LRFN2: variants seen among roughly 807,000 people sequenced by gnomAD.
The protein encoded by LRFN2 is leucine rich repeat and fibronectin type III domain containing 2.
LRFN2 carries 18 observed loss-of-function variants against 37.3 expected under a neutral mutation model. The observed-to-expected ratio is 0.48, with a 90% confidence interval of 0.33 to 0.72. The LOEUF (loss-of-function observed/expected upper bound fraction) is 0.72. LRFN2 is among the 30% of genes least tolerant of loss of function. The pLI, the probability that LRFN2 is intolerant of heterozygous loss-of-function variation, is 0.02. For missense variants in LRFN2, 1,006 were observed against 1,060.7 expected, an observed-to-expected ratio of 0.95 and a Z score of 0.72; for synonymous variants, 556 against 466.6, an observed-to-expected ratio of 1.19 and a Z score of -2.47.
intron 1 of LRFN2, among the ~76,000 whole-genome samples, chr6:40,543,535 T>C (rs1347327105): frequency 6.6e-6 from 1 of 152,208 alleles, no homozygotes; most frequent in East Asian, 1.9e-4. Flanking sequence ...CGAAACAAGC[T>C]GTGGGAAAAC....
chr6:40,461,516 G>A (rs1446216875), intron 1 of LRFN2, among the ~76,000 whole-genome samples: 1 of 151,470 alleles, frequency 6.6e-6, no homozygotes, highest in Non-Finnish European at 1.5e-5. Flanking sequence ...TTTGAGCCAG[G>A]CACAGTTGCA....
intron 1 of LRFN2, among the ~76,000 whole-genome samples, chr6:40,470,492 C>T (rs1764569566): frequency 6.6e-6 from 1 of 152,116 alleles, no homozygotes; most frequent in Admixed American, 6.5e-5. Flanking sequence ...CACCTGTAGT[C>T]CCAGCTACTT....
At position 40,392,226 on chromosome 6, in the gene LRFN2, T is replaced by C; in HGVS notation, c.2087A>G (p.Glu696Gly). 6.4e-7 allele frequency: 1 copy of C among 1,569,810 alleles called. No homozygotes were observed. Among genetic ancestry groups the C allele is most frequent in the East Asian group, 2.3e-5 (1 of 43,752 alleles). ...GGCCGCAGGGGGCCCCAGCAGTGGC[T>C]CTCGGTCCGAGTGGTGGCCCCGGGC... ...TSARGHHSDR[E>G]PLLGPPAARA... The change falls in exon 3 of 3, where the codon GAG becomes GGG. Residue 696 changes from glutamate to glycine, a missense_variant. Glu to Gly is a moderately conservative substitution (Grantham distance 98). Coordinates refer to ENST00000338305, the MANE Select transcript of LRFN2 (RefSeq NM_020737.3). The surrounding 1 kb of genome is among the most constrained non-coding windows in gnomAD (Gnocchi z 4.7).
intron 1 of LRFN2, among the ~76,000 whole-genome samples, chr6:40,458,004 T>C (rs749785779): frequency 4.6e-5 from 7 of 152,192 alleles, no homozygotes; most frequent in Non-Finnish European, 8.8e-5. Flanking sequence ...GGGCCACATA[T>C]AGGACAGCTG....
intron 2 of LRFN2, among the ~76,000 whole-genome samples, chr6:40,408,372 G>C (rs1211678169): frequency 6.6e-6 from 1 of 152,160 alleles, no homozygotes; most frequent in African/African-American, 2.4e-5. Context: ...CCTCGGCAGG[G>C]GCTTCTTGGT....
Position 40,559,785 on chromosome 6 carries a change from C to T in LRFN2, c.-19+27156G>A, listed in dbSNP as rs552323652. On this transcript the variant is annotated intron_variant, in intron 1 of 2. Transcript: ENST00000338305. Reference sequence around the variant, plus strand: ...TCCCAAAACTGAAGGGCATTTCATCCGCCCCCTCTGACTCCCCATCCTGGA... The same window carrying T: ...TCCCAAAACTGAAGGGCATTTCATCTGCCCCCTCTGACTCCCCATCCTGGA... Among the ~76,000 whole-genome samples the T allele has an allele frequency of 7.2e-5, 11 of 152,260 alleles. No homozygotes were observed. The East Asian group carries it at 1.7e-3, about 24-fold the overall frequency.
At chr6:40,397,956 T>C (rs892682500) in intron 2 of LRFN2, among the ~76,000 whole-genome samples, 1 of 151,900 alleles carries the variant, frequency 6.6e-6, no homozygotes, top group African/African-American at 2.4e-5. Flanking sequence ...CAATTTGGCA[T>C]TGGTTGTCAC....
chr6:40,548,985 T>C (rs1239602127), intron 1 of LRFN2, among the ~76,000 whole-genome samples: 2 of 152,232 alleles, frequency 1.3e-5, no homozygotes, highest in Non-Finnish European at 2.9e-5. Flanking sequence ...TTTTGCCTAC[T>C]TGTAATCAGT....
intron 1 of LRFN2, among the ~76,000 whole-genome samples, chr6:40,565,504 C>T (rs959347910): frequency 2.0e-5 from 3 of 152,164 alleles, no homozygotes; most frequent in Admixed American, 6.5e-5. Context: ...GCTACAGTAA[C>T]CAAAACAGCA....
chr6:40,439,470 G>A (rs1466050804), intron 1 of LRFN2, among the ~76,000 whole-genome samples: 1 of 152,190 alleles, frequency 6.6e-6, no homozygotes, highest in Non-Finnish European at 1.5e-5. Flanking sequence ...GTGGGGAAAG[G>A]AAACTTGAGT....
At chr6:40,420,642 C>T (rs542480216) in intron 2 of LRFN2, among the ~76,000 whole-genome samples, 65 of 152,346 alleles carry the variant, frequency 4.3e-4, no homozygotes, top group Non-Finnish European at 6.2e-4. Flanking sequence ...CCCGGCAGAA[C>T]GTTATTTTAT....
chr6:40,470,223 C>A (rs945117468), intron 1 of LRFN2, among the ~76,000 whole-genome samples: 8 of 152,226 alleles, frequency 5.3e-5, no homozygotes, highest in African/African-American at 1.9e-4. Flanking sequence ...CTGGGTGCAT[C>A]TGAGAAAACA....
chr6:40,467,063 T>C (rs1764486496), intron 1 of LRFN2, among the ~76,000 whole-genome samples: 1 of 152,022 alleles, frequency 6.6e-6, no homozygotes, highest in Non-Finnish European at 1.5e-5. Flanking sequence ...TCATAACCTC[T>C]AGAATGGTGA....
At chr6:40,514,974 AC>A (rs1471009580) in intron 1 of LRFN2, among the ~76,000 whole-genome samples, 1 of 152,208 alleles carries the variant, frequency 6.6e-6, no homozygotes, top group Non-Finnish European at 1.5e-5. Context: ...TGGGCCAGCC[AC>A]CTGGGCAGCT....
At chr6:40,480,660 C>A (rs570927347) in intron 1 of LRFN2, among the ~76,000 whole-genome samples, 1 of 152,126 alleles carries the variant, frequency 6.6e-6, no homozygotes, top group Non-Finnish European at 1.5e-5. Context: ...TGACTCCTTG[C>A]CCTGCTTGCT....
chr6:40,460,343 T>C (rs73732648), intron 1 of LRFN2, among the ~76,000 whole-genome samples: 2,070 of 152,304 alleles, frequency 0.014, 46 homozygotes, highest in African/African-American at 0.046. Context: ...ATGGAAGAGA[T>C]GCTTCTTTAA....
At chr6:40,495,021 A>C (rs1389207508) in intron 1 of LRFN2, among the ~76,000 whole-genome samples, 2 of 152,224 alleles carry the variant, frequency 1.3e-5, no homozygotes, top group Admixed American at 6.5e-5. Context: ...ACCTGCATCC[A>C]TCAGCTGACT....
At chr6:40,502,765 G>A (rs924094731) in intron 1 of LRFN2, among the ~76,000 whole-genome samples, 5 of 152,338 alleles carry the variant, frequency 3.3e-5, no homozygotes, top group Admixed American at 3.3e-4. Context: ...TAGGCACTGG[G>A]TTGCCCAGTG....
intron 2 of LRFN2, among the ~76,000 whole-genome samples, chr6:40,395,142 C>A (rs2057038050): frequency 6.6e-6 from 1 of 151,998 alleles, no homozygotes. Context: ...GACTTCAGAG[C>A]CAGTTTCACC....
Sources: gnomAD v4.1 joint callset for allele counts (sites outside exome capture counted in the v4.1 genomes callset) on GRCh38, gnomAD v4.1.1 for gene constraint, Gnocchi (gnomAD v3.1) non-coding constraint, MANE v1.5 for transcripts, NCBI Gene and HGNC (gene_info 2026-07-23, HGNC 2026-07-21) for gene names.